Variants in AGBL1 observed in about 807,000 individuals in gnomAD.
AGBL1 encodes cytosolic carboxypeptidase 4.
AGBL1 carries 130 observed loss-of-function variants against 118.9 expected under a neutral mutation model. The observed-to-expected ratio is 1.09, with a 90% CI of 0.95 to 1.26. The LOEUF (loss-of-function observed/expected upper bound fraction) is 1.26, where lower values mean the gene tolerates loss of function less well. Ranked by LOEUF, AGBL1 falls within the 50% of genes most tolerant of loss-of-function variation. AGBL1 has a pLI of 0.00. For missense variants in AGBL1, 1,584 were observed against 1,298.1 expected, an observed-to-expected ratio of 1.22 and a Z score of -3.38; for synonymous variants, 555 against 478.9, an observed-to-expected ratio of 1.16 and a Z score of -2.08.
intron 23 of AGBL1, among the ~76,000 whole-genome samples, chr15:86,975,744 T>C (rs2081171044): frequency 6.6e-6 from 1 of 152,176 alleles, no homozygotes; most frequent in Non-Finnish European, 1.5e-5. Context: ...AACCTGTCTT[T>C]CAGCTTAAAT....
At chr15:86,618,811 C>T (rs1030392373) in intron 21 of AGBL1, among the ~76,000 whole-genome samples, 3 of 152,054 alleles carry the variant, frequency 2.0e-5, no homozygotes, top group Admixed American at 1.3e-4. Context: ...CCGTTTTGCC[C>T]TCCTCATTAC....
chr15:86,484,720 A>C (rs2082693127), intron 18 of AGBL1, among the ~76,000 whole-genome samples: 1 of 152,172 alleles, frequency 6.6e-6, no homozygotes, highest in African/African-American at 2.4e-5. Flanking sequence ...TCTTATCAAG[A>C]AATTCCAAAG....
chr15:86,088,744 A>G (rs76605466), intron 1 of AGBL1, among the ~76,000 whole-genome samples: 2,173 of 152,328 alleles, frequency 0.014, 26 homozygotes, highest in Non-Finnish European at 0.022. Context: ...TTTTTAAAAA[A>G]TCTTTAAAGA....
intron 22 of AGBL1, among the ~76,000 whole-genome samples, chr15:86,868,377 G>C (rs982635576): frequency 5.3e-5 from 8 of 152,188 alleles, no homozygotes; most frequent in African/African-American, 1.9e-4. Flanking sequence ...GGTCTTTCTA[G>C]ATGAGAAGTC....
chr15:86,487,109 T>A (rs2082723034), intron 18 of AGBL1, among the ~76,000 whole-genome samples: 1 of 152,088 alleles, frequency 6.6e-6, no homozygotes, highest in South Asian at 2.1e-4. Context: ...GCTTGCCAGC[T>A]CTTTTTGGTT....
At chr15:86,414,547 A>C (rs1350540340) in intron 18 of AGBL1, among the ~76,000 whole-genome samples, 1 of 152,226 alleles carries the variant, frequency 6.6e-6, no homozygotes, top group Non-Finnish European at 1.5e-5. Context: ...GATGTTTCAC[A>C]CAAGAGGGTG....
chr15:86,950,353 A>T (rs953246296), intron 23 of AGBL1, among the ~76,000 whole-genome samples: 1 of 151,350 alleles, frequency 6.6e-6, no homozygotes, highest in African/African-American at 2.4e-5. Flanking sequence ...TCAAATTTAC[A>T]TTTGGGAAAG....
At chr15:86,663,991 T>C (rs1412443006) in intron 21 of AGBL1, among the ~76,000 whole-genome samples, 2 of 152,102 alleles carry the variant, frequency 1.3e-5, no homozygotes, top group African/African-American at 4.8e-5. Flanking sequence ...GCTGTGGTCA[T>C]TCATGGTGTA....
Position 86,274,125 on chromosome 15 carries a change from G to C in AGBL1, c.2075+2419G>C, listed in dbSNP as rs1597663155. Among the ~76,000 whole-genome samples, 3 of 152,048 alleles carry C rather than the reference G, an allele frequency of 2.0e-5. No individual in the cohort carries two copies. In the South Asian group the frequency reaches 6.2e-4, roughly 32 times the overall value. ...TAAGAAAGCATGTAAAAAATGAAGA[G>C]TTTTAAATTAGGAAAAAAAGATGAA... On this transcript the variant is annotated intron_variant, in intron 15 of 22. Coordinates refer to ENST00000614907, the MANE Select transcript of AGBL1 (RefSeq NM_001386094.1).
intron 17 of AGBL1, among the ~76,000 whole-genome samples, chr15:86,388,738 G>C (rs1312415188): frequency 1.3e-5 from 2 of 152,128 alleles, no homozygotes; most frequent in Non-Finnish European, 2.9e-5. Context: ...TTTTGATTCA[G>C]AACACCTAAG....
At chr15:86,609,776 CT>C (rs2084632370) in intron 21 of AGBL1, among the ~76,000 whole-genome samples, 1 of 152,172 alleles carries the variant, frequency 6.6e-6, no homozygotes. Flanking sequence ...AAACGACATA[CT>C]CTTGTAGGAA....
intron 22 of AGBL1, among the ~76,000 whole-genome samples, chr15:86,769,545 G>A (rs1291159735): frequency 3.9e-5 from 6 of 151,912 alleles, no homozygotes; most frequent in African/African-American, 1.2e-4. Context: ...TCTTGTCCAA[G>A]AACTCTGGAA....
At chr15:86,150,948 T>G (rs2077099450) in intron 3 of AGBL1, among the ~76,000 whole-genome samples, 1 of 152,116 alleles carries the variant, frequency 6.6e-6, no homozygotes, top group Non-Finnish European at 1.5e-5. Flanking sequence ...ATGTGGCACA[T>G]ATACACCATG....
chr15:86,086,576 A>G (rs1895670187), intron 1 of AGBL1, among the ~76,000 whole-genome samples: 1 of 152,220 alleles, frequency 6.6e-6, no homozygotes, highest in Non-Finnish European at 1.5e-5. Flanking sequence ...AGAATGGCAA[A>G]GCGTATGTGC....
At chr15:86,876,103 C>A (rs1163339278) in intron 22 of AGBL1, among the ~76,000 whole-genome samples, 2 of 152,182 alleles carry the variant, frequency 1.3e-5, no homozygotes, top group Non-Finnish European at 2.9e-5. Flanking sequence ...TCGAGGCCAA[C>A]ATTTATGCTC....
intron 22 of AGBL1, among the ~76,000 whole-genome samples, chr15:86,736,354 T>G (rs1338293520): frequency 6.6e-6 from 1 of 151,588 alleles, no homozygotes; most frequent in Non-Finnish European, 1.5e-5. Context: ...CACTCCAGCC[T>G]GGGTGACAGA....
At chr15:86,216,543 T>G (rs1317463299) in intron 5 of AGBL1, among the ~76,000 whole-genome samples, 1 of 152,198 alleles carries the variant, frequency 6.6e-6, no homozygotes, top group Non-Finnish European at 1.5e-5. Context: ...CTTTATTCTG[T>G]TATTATGGTG....
chr15:87,019,021 C>T (rs540243676), intron 24 of AGBL1, among the ~76,000 whole-genome samples: 1 of 151,576 alleles, frequency 6.6e-6, no homozygotes, highest in African/African-American at 2.4e-5. Context: ...AAAAAAAAGA[C>T]AAAGAAGGGC....
intron 19 of AGBL1, among the ~76,000 whole-genome samples, chr15:86,544,333 G>T (rs544036559): frequency 6.6e-6 from 1 of 152,140 alleles, no homozygotes; most frequent in Non-Finnish European, 1.5e-5. Context: ...GTTGTTGCAA[G>T]GTTCCTGGGA....
Sources: allele counts gnomAD v4.1 joint callset (sites outside exome capture counted in the v4.1 genomes callset), GRCh38; gene constraint gnomAD v4.1.1; transcripts MANE v1.5; gene names NCBI Gene and HGNC (gene_info 2026-07-23, HGNC 2026-07-21).